The following MOB3B variants were observed in gnomAD, a reference collection of about 807,000 sequenced individuals.
The protein encoded by MOB3B is MOB kinase activator-like 2B.
In MOB3B, 7 loss-of-function variants were observed where a neutral mutation model predicts 18.7. That is an observed-to-expected ratio of 0.37 (90% CI 0.21 to 0.70). The LOEUF (loss-of-function observed/expected upper bound fraction) is 0.70, where lower values mean the gene tolerates loss of function less well. Among genes scored for constraint, MOB3B ranks in the 30% least tolerant of loss-of-function variants. The probability of loss-of-function intolerance (pLI) is 0.52; values close to 1 mark genes in which losing one functional copy is unlikely to be tolerated. For missense variants in MOB3B, 253 were observed against 281.3 expected, an observed-to-expected ratio of 0.90 and a Z score of 0.72; for synonymous variants, 111 against 99.9, an observed-to-expected ratio of 1.11 and a Z score of -0.66.
intron 2 of MOB3B, among the ~76,000 whole-genome samples, chr9:27,425,373 CA>C (rs57574286): frequency 0.18 from 9,660 of 52,894 alleles, 406 homozygotes; most frequent in African/African-American, 0.31. Context: ...AAAACTGTCT[CA>C]AAAAAAAAAA....
chr9:27,378,109 G>A (rs1379495061), intron 2 of MOB3B, among the ~76,000 whole-genome samples: 1 of 152,216 alleles, frequency 6.6e-6, no homozygotes, highest in Non-Finnish European at 1.5e-5. Flanking sequence ...ACAGATGAAG[G>A]AACTGAAACT....
intron 1 of MOB3B, among the ~76,000 whole-genome samples, chr9:27,514,345 C>CAG (rs1820196825): frequency 1.3e-5 from 1 of 77,638 alleles, no homozygotes; most frequent in Admixed American, 1.5e-4. Flanking sequence ...ACCACAAGCT[C>CAG]AAAAAAAAAA....
intron 2 of MOB3B, among the ~76,000 whole-genome samples, chr9:27,366,203 A>G (rs574424096): frequency 7.9e-5 from 12 of 152,320 alleles, no homozygotes; most frequent in Admixed American, 7.8e-4. Flanking sequence ...TGCTGAGTTT[A>G]TGAATGTGTC....
chr9:27,407,310 C>G (rs1321664444), intron 2 of MOB3B, among the ~76,000 whole-genome samples: 5 of 152,152 alleles, frequency 3.3e-5, no homozygotes, highest in African/African-American at 9.7e-5. Flanking sequence ...GATTCTGGAG[C>G]TGTTCTTTTC....
chr9:27,505,941 T>G (rs1749895422), intron 1 of MOB3B, among the ~76,000 whole-genome samples: 1 of 152,234 alleles, frequency 6.6e-6, no homozygotes, highest in South Asian at 2.1e-4. Context: ...AAATAACGTG[T>G]CACCAATTAC....
intron 1 of MOB3B, among the ~76,000 whole-genome samples, chr9:27,481,567 G>A (rs1174626132): frequency 1.4e-5 from 2 of 145,614 alleles, no homozygotes; most frequent in East Asian, 4.0e-4. Flanking sequence ...GCCCAGGCTG[G>A]AGTGCAGGAG....
At chr9:27,525,149 G>C (rs1013603490) in intron 1 of MOB3B, among the ~76,000 whole-genome samples, 12 of 152,078 alleles carry the variant, frequency 7.9e-5, no homozygotes. Context: ...GGGTGACCAA[G>C]AGTCTCCTTA....
chr9:27,330,896 C>A (rs1452430029), intron 3 of MOB3B, among the ~76,000 whole-genome samples: 1 of 152,084 alleles, frequency 6.6e-6, no homozygotes, highest in Admixed American at 6.6e-5. Context: ...AGCTTCTGAA[C>A]AACTGGAGTT....
chr9:27,399,640 A>G (rs1429026713), intron 2 of MOB3B, among the ~76,000 whole-genome samples: 1 of 152,180 alleles, frequency 6.6e-6, no homozygotes, highest in Non-Finnish European at 1.5e-5. Flanking sequence ...TGTCTTGTGC[A>G]CGTCTCTGAA....
At position 27,529,747 on chromosome 9, in the gene MOB3B, A is replaced by T. The variant is rs974292821; in HGVS notation, c.-391T>A. 1.6e-5 allele frequency: 16 copies of T among 985,406 alleles called. No individual in the cohort carries two copies. Among genetic ancestry groups the T allele is most frequent in the Non-Finnish European group, 1.9e-5 (16 of 829,942 alleles). The allele number at this position is 985,406 out of a possible 1,614,324, so 61.0% of individuals were successfully genotyped here. On this transcript the variant is annotated 5_prime_UTR_variant, in exon 1 of 4. Transcript: ENST00000262244. ...CGGGCGAGCGCCTGGCTCCAGCTGC[A>T]GCCGCCGTCGCTCCGGAGCAGCCCC... is the stretch of plus-strand genomic sequence containing the variant.
chr9:27,412,173 C>A (rs1425489149), intron 2 of MOB3B, among the ~76,000 whole-genome samples: 1 of 145,742 alleles, frequency 6.9e-6, no homozygotes, highest in Non-Finnish European at 1.5e-5. Flanking sequence ...GAAATCTACC[C>A]TTATGACGAA....
At chr9:27,487,801 T>C (rs956033222) in intron 1 of MOB3B, among the ~76,000 whole-genome samples, 2 of 152,218 alleles carry the variant, frequency 1.3e-5, no homozygotes, top group African/African-American at 2.4e-5. Context: ...CCTGATGCTA[T>C]GGTCTCTTCT....
chr9:27,518,163 CA>C (rs1227771124), intron 1 of MOB3B, among the ~76,000 whole-genome samples: 7 of 152,206 alleles, frequency 4.6e-5, no homozygotes, highest in African/African-American at 1.7e-4. Context: ...TGACCACATG[CA>C]AGCTGATGGT....
intron 2 of MOB3B, among the ~76,000 whole-genome samples, chr9:27,393,934 T>A (rs994784517): frequency 2.6e-5 from 4 of 152,132 alleles, no homozygotes; most frequent in African/African-American, 9.7e-5. Context: ...TATTGAACAC[T>A]CATGAGTGTT....
At chr9:27,416,544 A>ATTTTTTTTTTTTTTTTTT (rs559806304) in intron 2 of MOB3B, among the ~76,000 whole-genome samples, 2 of 121,418 alleles carry the variant, frequency 1.6e-5, no homozygotes, top group Non-Finnish European at 3.3e-5. Flanking sequence ...TTTCTTTTTA[A>ATTTTTTTTTTTTTTTTTT]TTTTTTTTTT....
intron 3 of MOB3B, among the ~76,000 whole-genome samples, chr9:27,338,821 C>T (rs933563783): frequency 2.0e-5 from 3 of 152,228 alleles, no homozygotes; most frequent in Non-Finnish European, 4.4e-5. Flanking sequence ...GGAAATAACA[C>T]TGGCCTTTTC....
At chr9:27,527,673 G>T (rs1376028531) in intron 1 of MOB3B, among the ~76,000 whole-genome samples, 1 of 152,198 alleles carries the variant, frequency 6.6e-6, no homozygotes, top group Admixed American at 6.5e-5. Flanking sequence ...TTGGAAGAGG[G>T]ACTCATTGGG....
intron 2 of MOB3B, among the ~76,000 whole-genome samples, chr9:27,403,082 G>A (rs570337588): frequency 1.5e-4 from 23 of 152,338 alleles, no homozygotes; most frequent in African/African-American, 5.5e-4. Flanking sequence ...AAAAAGTTTG[G>A]TATCTGGCTC....
chr9:27,477,725 C>T (rs1018732584), intron 1 of MOB3B, among the ~76,000 whole-genome samples: 8 of 152,222 alleles, frequency 5.3e-5, no homozygotes, highest in Non-Finnish European at 1.0e-4. Flanking sequence ...AACTGTTCTT[C>T]TTAATGCAGG....
Sources: allele counts gnomAD v4.1 joint callset (sites outside exome capture counted in the v4.1 genomes callset), GRCh38; gene constraint gnomAD v4.1.1; transcripts MANE v1.5; gene names NCBI Gene and HGNC (gene_info 2026-07-23, HGNC 2026-07-21).